Variants in FAM219A observed in about 807,000 individuals in gnomAD.
FAM219A encodes protein FAM219A.
In FAM219A, 7 loss-of-function variants were observed where a neutral mutation model predicts 23.4. The ratio of observed to expected loss-of-function variants is 0.30; its 90% CI spans 0.17 to 0.56. FAM219A has a LOEUF of 0.56. FAM219A is among the 20% of genes least tolerant of loss of function. FAM219A has a pLI of 0.92. For synonymous variants in FAM219A, 93 were observed against 99.0 expected (o/e 0.94, Z 0.36); for missense variants, 166 against 246.9 (o/e 0.67, Z 2.20).
intron 1 of FAM219A, among the ~76,000 whole-genome samples, chr9:34,422,805 AT>A (rs1247838495): frequency 2.0e-5 from 3 of 152,224 alleles, no homozygotes; most frequent in African/African-American, 7.2e-5. Context: ...TAGCCACCAA[AT>A]TCAGTTCTGG....
chr9:34,451,341 G>A (rs1482410650), intron 1 of FAM219A, among the ~76,000 whole-genome samples: 1 of 152,084 alleles, frequency 6.6e-6, no homozygotes, highest in Non-Finnish European at 1.5e-5. Context: ...ATTCCCATCA[G>A]AGCCTATTTA....
At chr9:34,433,093 G>A (rs1037098495) in intron 1 of FAM219A, among the ~76,000 whole-genome samples, 3 of 152,176 alleles carry the variant, frequency 2.0e-5, no homozygotes, top group Admixed American at 1.3e-4. Context: ...GAATCCTTCT[G>A]AAAGAAATAT....
chr9:34,418,685 G>A (rs1286691362), intron 1 of FAM219A, among the ~76,000 whole-genome samples: 4 of 152,124 alleles, frequency 2.6e-5, no homozygotes, highest in Non-Finnish European at 4.4e-5. Context: ...CATCACCCTC[G>A]CCTCCCCCAT....
At chr9:34,437,044 G>A (rs1328400274) in intron 1 of FAM219A, among the ~76,000 whole-genome samples, 1 of 152,220 alleles carries the variant, frequency 6.6e-6, no homozygotes, top group African/African-American at 2.4e-5. Flanking sequence ...AACTTGGGAT[G>A]TGGACTAACT....
In FAM219A at chr9:34,423,496, G is replaced by A. The variant is rs930825388; in HGVS notation, c.61-17532C>T. Among the ~76,000 whole-genome samples, 5 of 152,228 alleles carry A rather than the reference G, an allele frequency of 3.3e-5. No homozygotes were observed. In the East Asian group the frequency reaches 9.6e-4, roughly 29 times the overall value. ...AATTTTACTAGAATGTTAATGTTAG[G>A]GGACGAAGTGGCAGGTGATGAGTCT... is the stretch of plus-strand genomic sequence containing the variant. On this transcript the variant is annotated intron_variant, in intron 1 of 5. Coordinates refer to ENST00000651358, the MANE Select transcript of FAM219A (RefSeq NM_001184940.2).
intron 1 of FAM219A, among the ~76,000 whole-genome samples, chr9:34,436,134 C>T (rs1293243658): frequency 7.2e-5 from 11 of 151,892 alleles, no homozygotes; most frequent in Non-Finnish European, 1.5e-4. Flanking sequence ...CTTTTTCTCA[C>T]TATTATAATG....
chr9:34,408,426 C>A (rs1232591675), intron 1 of FAM219A, among the ~76,000 whole-genome samples: 2 of 152,230 alleles, frequency 1.3e-5, no homozygotes, highest in Non-Finnish European at 1.5e-5. Context: ...GCAAAGCAGC[C>A]AGAGGGAAGG....
chr9:34,440,653 A>T (rs1337044411), intron 1 of FAM219A, among the ~76,000 whole-genome samples: 1 of 152,118 alleles, frequency 6.6e-6, no homozygotes, highest in East Asian at 1.9e-4. Context: ...GATCGAGACC[A>T]TCCTGGCTAA....
At chr9:34,441,221 T>C (rs951170624) in intron 1 of FAM219A, among the ~76,000 whole-genome samples, 1 of 152,222 alleles carries the variant, frequency 6.6e-6, no homozygotes, top group Non-Finnish European at 1.5e-5. Flanking sequence ...CTCCTCAGCA[T>C]AGAAGAAGGC....
intron 1 of FAM219A, among the ~76,000 whole-genome samples, chr9:34,430,149 C>G (rs1387561209): frequency 6.6e-6 from 1 of 152,126 alleles, no homozygotes; most frequent in Non-Finnish European, 1.5e-5. Context: ...AAGGGGGAAT[C>G]CCTAGACCTA....
At chr9:34,403,696 C>T (rs554731781) in intron 2 of FAM219A, among the ~76,000 whole-genome samples, 1 of 152,304 alleles carries the variant, frequency 6.6e-6, no homozygotes, top group Admixed American at 6.5e-5. Flanking sequence ...TCTACTCTTC[C>T]CTACTCATCT....
At chr9:34,428,900 G>A (rs553311394) in intron 1 of FAM219A, among the ~76,000 whole-genome samples, 32 of 152,348 alleles carry the variant, frequency 2.1e-4, no homozygotes, top group African/African-American at 7.2e-4. Flanking sequence ...GCTGTTTCCT[G>A]GAGCAAGAGA....
chr9:34,409,275 A>G (rs1328164214), intron 1 of FAM219A, among the ~76,000 whole-genome samples: 1 of 152,232 alleles, frequency 6.6e-6, no homozygotes, highest in African/African-American at 2.4e-5. Flanking sequence ...AGCTTCCTCT[A>G]TGTCTTCCCT....
In FAM219A at chr9:34,417,526, A is replaced by T. The variant is rs1293889482; in HGVS notation, c.61-11562T>A. Reference sequence around the variant, plus strand: ...AAATCCACATATATTTACATTTAGGATCATTTCCTAAATAAAGTAGATTAC... The same window carrying T: ...AAATCCACATATATTTACATTTAGGTTCATTTCCTAAATAAAGTAGATTAC... On this transcript the variant is annotated intron_variant, in intron 1 of 5. Transcript: ENST00000651358. The surrounding 1 kb of genome is among the most constrained non-coding windows in gnomAD (Gnocchi z 4.1). Among the ~76,000 whole-genome samples the T allele has an allele frequency of 1.3e-5, 2 of 152,224 alleles. No individual in the cohort carries two copies.
At chr9:34,418,241 A>G (rs887594160) in intron 1 of FAM219A, among the ~76,000 whole-genome samples, 7 of 151,996 alleles carry the variant, frequency 4.6e-5, no homozygotes, top group Admixed American at 4.6e-4. Context: ...ATGAAGAGAC[A>G]GGGGGCCAAA....
At chr9:34,421,971 G>A (rs1406657429) in intron 1 of FAM219A, among the ~76,000 whole-genome samples, 1 of 152,124 alleles carries the variant, frequency 6.6e-6, no homozygotes, top group East Asian at 1.9e-4. Context: ...CTCTAGGCCA[G>A]CCTCTCTACG....
At chr9:34,419,813 A>G (rs1822193168) in intron 1 of FAM219A, among the ~76,000 whole-genome samples, 1 of 152,194 alleles carries the variant, frequency 6.6e-6, no homozygotes, top group South Asian at 2.1e-4. Context: ...GGCAGAGTCT[A>G]TGGGATTTCT....
intron 1 of FAM219A, among the ~76,000 whole-genome samples, chr9:34,439,256 C>A (rs573725828): frequency 6.6e-6 from 1 of 152,220 alleles, no homozygotes; most frequent in Admixed American, 6.5e-5. Flanking sequence ...CCACCAATTC[C>A]GGACACACTT....
intron 1 of FAM219A, among the ~76,000 whole-genome samples, chr9:34,443,458 G>A (rs916017879): frequency 6.6e-6 from 1 of 152,120 alleles, no homozygotes; most frequent in Non-Finnish European, 1.5e-5. Context: ...TTCTCATTTG[G>A]TGATGAGAAG....
Sources: gnomAD v4.1 joint callset for allele counts (sites outside exome capture counted in the v4.1 genomes callset) on GRCh38, gnomAD v4.1.1 for gene constraint, Gnocchi (gnomAD v3.1) non-coding constraint, MANE v1.5 for transcripts, NCBI Gene and HGNC (gene_info 2026-07-23, HGNC 2026-07-21) for gene names.